The following TASOR2 variants were observed in gnomAD, a reference collection of about 807,000 sequenced individuals.
TASOR2 encodes protein TASOR 2.
In TASOR2, 84 loss-of-function variants were observed where a neutral mutation model predicts 199.5. That is an observed-to-expected ratio of 0.42 (90% CI 0.35 to 0.50). TASOR2 has a LOEUF of 0.50. TASOR2 is among the 20% of genes least tolerant of loss of function. The probability of loss-of-function intolerance (pLI) is 0.02; values close to 1 mark genes in which losing one functional copy is unlikely to be tolerated. For synonymous variants in TASOR2, 1,103 were observed against 1,046.6 expected, an observed-to-expected ratio of 1.05 and a Z score of -1.04; for missense variants, 2,796 against 2,835.9, an observed-to-expected ratio of 0.99 and a Z score of 0.32.
chr10:5,692,280 T>C (rs1406898220), intron 1 of TASOR2, among the ~76,000 whole-genome samples: 3 of 152,170 alleles, frequency 2.0e-5, no homozygotes, highest in Admixed American at 6.5e-5. Flanking sequence ...GCATAAATGA[T>C]GTGGGACGAA....
chr10:5,747,802 C>A, exon 15 of TASOR2: 3 of 1,613,878 alleles, frequency 1.9e-6, no homozygotes, highest in Non-Finnish European at 2.5e-6. Flanking sequence ...TCCTACCCAT[C>A]CAGTGGGGCA....
rs1170123698 is a variant in TASOR2 at position 5,748,233 on chromosome 10, A to G, written c.4812A>G (p.Ser1604=). 6.2e-7 allele frequency: 1 copy of G among 1,614,254 alleles called. No homozygotes were observed. The highest frequency in any genetic ancestry group is 8.5e-7 in the Non-Finnish European group (1 of 1,180,046). ...CACCAAGTGGTATAGTGAATGTGTC[A>G]GTAAAACAGCAGACTAGCCCTAAAA... The change falls in exon 15 of 21, where the codon TCA becomes TCG. Residue 1604 remains serine, a synonymous_variant. Coordinates refer to ENST00000328090, the Ensembl canonical transcript of TASOR2. The surrounding 1 kb of genome is among the most constrained non-coding windows in gnomAD (Gnocchi z 5.1).
intron 11 of TASOR2, among the ~76,000 whole-genome samples, chr10:5,733,278 C>T (rs1835091122): frequency 1.3e-5 from 2 of 152,022 alleles, no homozygotes; most frequent in Admixed American, 1.3e-4. Context: ...GAGGCTGAGG[C>T]GGGTGGATCA....
At chr10:5,758,934 G>A (rs746343552) in exon 18 of TASOR2, 68 of 1,614,016 alleles carry the variant, frequency 4.2e-5, no homozygotes, top group Non-Finnish European at 5.6e-5. Context: ...AAATGGAAAT[G>A]GAAGATGGAA....
chr10:5,713,030 T>C, intron 2 of TASOR2, 112 bp downstream of exon 2: 1 of 502,126 alleles, frequency 2.0e-6, no homozygotes, highest in East Asian at 3.5e-5. Context: ...TTTTGTTGCT[T>C]AGTTTGGTGG....
intron 1 of TASOR2, among the ~76,000 whole-genome samples, chr10:5,697,364 A>G (rs1302515188): frequency 6.6e-6 from 1 of 152,206 alleles, no homozygotes; most frequent in Non-Finnish European, 1.5e-5. Context: ...TGTGACAAAG[A>G]TAAAGTTGCG....
In TASOR2 at chr10:5,748,770, T is replaced by C. The variant is rs757342830; in HGVS notation, c.5349T>C (p.Ser1783=). 8.1e-6 allele frequency: 13 copies of C among 1,614,072 alleles called. No individual in the cohort carries two copies. The highest frequency in any genetic ancestry group is 1.1e-5 in the Non-Finnish European group (13 of 1,180,032). ...TTGTTTCAGAATCCTTTGATACTTC[T>C]GTTTGTGGAATAGCCACAGAGCACG... Residue 1783 remains serine (S), a synonymous_variant, in exon 15 of 21, where the codon TCT becomes TCC. Coordinates refer to ENST00000328090, the Ensembl canonical transcript of TASOR2. The surrounding 1 kb of genome is among the most constrained non-coding windows in gnomAD (Gnocchi z 5.1).
chr10:5,704,223 CA>C (rs58311711), intron 1 of TASOR2, among the ~76,000 whole-genome samples: 123,423 of 132,002 alleles, frequency 0.94, 57,674 homozygotes, highest in Non-Finnish European at 0.97. Context: ...GACTCCATCT[CA>C]AAAAAAAAAA....
At chr10:5,753,783 T>A (rs1838433215) in intron 15 of TASOR2, among the ~76,000 whole-genome samples, 1 of 152,236 alleles carries the variant, frequency 6.6e-6, no homozygotes, top group South Asian at 2.1e-4. Context: ...TTGAATGGTC[T>A]TCACTCTCTT....
chr10:5,700,169 A>G (rs1443427513), intron 1 of TASOR2, among the ~76,000 whole-genome samples: 1 of 152,084 alleles, frequency 6.6e-6, no homozygotes, highest in African/African-American at 2.4e-5. Flanking sequence ...TAGCTTCCAC[A>G]TATGAGTGAG....
intron 6 of TASOR2, 43 bp from the exon 8 acceptor site, chr10:5,723,634 C>T: frequency 2.5e-6 from 3 of 1,181,862 alleles, no homozygotes; most frequent in South Asian, 2.2e-5. Context: ...AATTTAGATC[C>T]ACTGTTTATT....
At chr10:5,739,830 G>A (rs758383718) in exon 13 of TASOR2, 3 of 1,614,152 alleles carry the variant, frequency 1.9e-6, no homozygotes, top group South Asian at 2.2e-5. Flanking sequence ...AGTATCTGAG[G>A]CTAGAAATCT....
At chr10:5,746,320 T>A (rs772853458) in exon 15 of TASOR2, 1 of 1,614,164 alleles carries the variant, frequency 6.2e-7, no homozygotes, top group Admixed American at 1.7e-5. Context: ...AAGAGTGGCT[T>A]CTTACAGTGG....
chr10:5,724,690 T>C (rs1027248075), intron 8 of TASOR2, among the ~76,000 whole-genome samples, 157 bp downstream of exon 9: 1 of 149,130 alleles, frequency 6.7e-6, no homozygotes, highest in Non-Finnish European at 1.5e-5. Flanking sequence ...TCGATATAGA[T>C]ATATATTAGT....
rs769466453 is a variant in TASOR2, at chr10:5,728,923, T to TA, written c.488-1564_488-1563insA. Reference sequence around the variant, plus strand: ...TTTCTAATTTCATTTTATTTTATTTTTGTTTTTTAGTTGTAAACTATAAAG... The same window carrying TA: ...TTTCTAATTTCATTTTATTTTATTTTATGTTTTTTAGTTGTAAACTATAAAG... On this transcript the variant is annotated intron_variant, in intron 10 of 20. Transcript: ENST00000328090. Among the ~76,000 whole-genome samples, 504 of 151,820 alleles carry TA rather than the reference T, an allele frequency of 3.3e-3. 1 individual carries two copies. The highest frequency in any genetic ancestry group is 3.2e-3 in the Non-Finnish European group (219 of 67,992).
intron 7 of TASOR2, among the ~76,000 whole-genome samples, 187 bp downstream of exon 8, chr10:5,723,964 G>A (rs138841985): frequency 6.6e-6 from 1 of 152,284 alleles, no homozygotes; most frequent in East Asian, 1.9e-4. Context: ...GAAACTGAAA[G>A]GTAGTTTCAT....
In TASOR2 at chr10:5,746,983, CAG is replaced by C; in HGVS notation, c.3565_3566del (p.Leu1190ProfsTer15). ...CACTCAGGATTTCCTTTCACAGACT[CAG>C]AGTCTCCTCGGCCTATCTTCAGAAG... On this transcript the variant is annotated frameshift_variant, in exon 15 of 21. Coordinates refer to ENST00000328090, the Ensembl canonical transcript of TASOR2. LOFTEE classifies it high-confidence loss of function. 1 of 1,614,188 alleles carries C rather than the reference CAG, an allele frequency of 6.2e-7. No homozygotes were observed. Among genetic ancestry groups the C allele is most frequent in the Admixed American group, 1.7e-5 (1 of 60,028 alleles).
chr10:5,687,042 T>C lies in TASOR2; in HGVS notation c.-288+1867T>C, dbSNP rs962105264. ...CTGAGAAGAGACATTTATTTGAGTT[T>C]TTCCTTCTAAGAGAATATGTACATC... On this transcript the variant is annotated intron_variant, in intron 1 of 20. Coordinates refer to ENST00000328090, the Ensembl canonical transcript of TASOR2. This position sits in a 1 kb window ranked among gnomAD's most constrained non-coding sequence, Gnocchi z 4.8. Among the ~76,000 whole-genome samples the C allele has an allele frequency of 2.6e-5, 4 of 152,216 alleles. No homozygotes were observed. The highest frequency in any genetic ancestry group is 9.6e-5 in the African/African-American group (4 of 41,470).
At position 5,730,515 on chromosome 10, in the gene TASOR2, C is replaced by T. The variant is rs771606255; in HGVS notation, c.516C>T (p.Asp172=). 3.1e-6 allele frequency: 5 copies of T among 1,605,216 alleles called. 1 individual carries two copies. The South Asian group carries it at 4.4e-5, about 14-fold the overall frequency. The stretch of plus-strand genomic sequence containing the variant: ...TGAAAGATTTGAAAGTTGAAGATGA[C>T]ATCTCAATGAAGGTGATACCTATTT... Residue 172 remains aspartate, a synonymous_variant, in exon 11 of 21, where the codon GAC becomes GAT. Transcript: ENST00000328090. This position sits in a 1 kb window ranked among gnomAD's most constrained non-coding sequence, Gnocchi z 4.1.
Sources: gnomAD v4.1 joint callset for allele counts (sites outside exome capture counted in the v4.1 genomes callset) on GRCh38, gnomAD v4.1.1 for gene constraint, Gnocchi (gnomAD v3.1) non-coding constraint, MANE v1.5 for transcripts, NCBI Gene and HGNC (gene_info 2026-07-23, HGNC 2026-07-21) for gene names.